EXD2: variants seen among roughly 807,000 people sequenced by gnomAD.
EXD2 encodes exonuclease 3'-5' domain-containing protein 2.
A neutral mutation model predicts 62.5 loss-of-function variants in EXD2; 40 were observed. The observed-to-expected ratio is 0.64, with a 90% CI of 0.50 to 0.83. EXD2 has a LOEUF of 0.83. EXD2 is among the 40% of genes least tolerant of loss of function. The pLI is 0.00. For missense variants in EXD2, 671 were observed against 761.8 expected, an observed-to-expected ratio of 0.88 and a Z score of 1.40; for synonymous variants, 239 against 291.9, an observed-to-expected ratio of 0.82 and a Z score of 1.85.
intron 2 of EXD2, among the ~76,000 whole-genome samples, chr14:69,205,326 C>T (rs930468319): frequency 2.6e-5 from 4 of 152,156 alleles, no homozygotes; most frequent in African/African-American, 9.7e-5. Flanking sequence ...GTTGAGATTA[C>T]AGGCGTGAGA....
At position 69,206,463 on chromosome 14, in the gene EXD2, T is replaced by C. The variant is rs1316980150; in HGVS notation, c.-48+2463T>C. 3.3e-4 allele frequency among the ~76,000 whole-genome samples: 17 copies of C among 51,490 alleles called. 1 individual carries two copies. The highest frequency in any genetic ancestry group is 6.0e-4 in the African/African-American group (10 of 16,568). 33.8% of individuals were successfully genotyped at this position (51,490 alleles called of 152,430 possible). A position where few individuals can be genotyped will look rare whatever the true frequency, so the allele number is the denominator to read the frequency against. On this transcript the variant is annotated intron_variant, in intron 2 of 9. Coordinates refer to ENST00000685843, the MANE Select transcript of EXD2 (RefSeq NM_001193360.2). ...CATCTCCCACCCACCCACTTTTTTT[T>C]TTTTTTTTTTTTTTTTTTTTTTTGA...
chr14:69,196,230 AG>A (rs1353453841), intron 1 of EXD2: 2 of 152,250 alleles, frequency 1.3e-5, no homozygotes, highest in Non-Finnish European at 1.5e-5. Context: ...TAGTTGATTA[AG>A]GGCGCACCCT....
intron 3 of EXD2, among the ~76,000 whole-genome samples, chr14:69,215,296 A>ATGTGTGTGTG (rs1373614464): frequency 2.2e-4 from 13 of 59,706 alleles, no homozygotes; most frequent in Admixed American, 8.1e-4. Context: ...TCTCAAAAAT[A>ATGTGTGTGTG]TATGTGTGTG....
At chr14:69,193,467 A>G (rs2042102134) in intron 1 of EXD2, among the ~76,000 whole-genome samples, 1 of 152,236 alleles carries the variant, frequency 6.6e-6, no homozygotes, top group African/African-American at 2.4e-5. Flanking sequence ...TCCCCTGATT[A>G]CTATTGAGAT....
At position 69,234,995 on chromosome 14, in the gene EXD2, A is replaced by G. The variant is rs372445263; in HGVS notation, c.1013A>G (p.His338Arg). The G allele has an allele frequency of 6.2e-7, 1 of 1,606,894 alleles. No individual in the cohort carries two copies. Among genetic ancestry groups the G allele is most frequent in the Non-Finnish European group, 8.5e-7 (1 of 1,177,512 alleles). ...GNHQGRDPRKHKRKPLGVGYS... is the reference protein window; with the variant it reads ...GNHQGRDPRKRKRKPLGVGYS... ...CACCAAGGGAGAGACCCCAGAAAACATAAAAGAAAGCCTCTGGGGGTGGGC... is the reference window on the plus strand; with the variant it reads ...CACCAAGGGAGAGACCCCAGAAAACGTAAAAGAAAGCCTCTGGGGGTGGGC... The change falls in exon 6 of 10, where the codon CAT becomes CGT. Residue 338 changes from histidine to arginine, a missense_variant. Physicochemically the swap from His to Arg is conservative, Grantham distance 29. Transcript: ENST00000685843.
chr14:69,195,730 C>T (rs1050943517), intron 1 of EXD2, among the ~76,000 whole-genome samples: 9 of 152,104 alleles, frequency 5.9e-5, no homozygotes, highest in Non-Finnish European at 8.8e-5. Flanking sequence ...TTCTGTCTTT[C>T]GAGATCTGGG....
rs562827186 is a variant in EXD2, at chr14:69,240,475, CG to C, written c.1650-406del. Reference sequence around the variant, plus strand: ...TTGTGTTGTGAAAAAGTGTAACATGCGGGCCGATTTAACAGCCTCATATAAA... The same window carrying C: ...TTGTGTTGTGAAAAAGTGTAACATGCGGCCGATTTAACAGCCTCATATAAA... On this transcript the variant is annotated intron_variant, in intron 9 of 9. Coordinates refer to ENST00000685843, the MANE Select transcript of EXD2 (RefSeq NM_001193360.2). Among the ~76,000 whole-genome samples, 291 of 152,276 alleles carry C rather than the reference CG, an allele frequency of 1.9e-3. 1 individual carries two copies. Among genetic ancestry groups the C allele is most frequent in the African/African-American group, 6.7e-3 (279 of 41,548 alleles).
chr14:69,216,159 T>C (rs764413140), intron 3 of EXD2, among the ~76,000 whole-genome samples: 1 of 152,184 alleles, frequency 6.6e-6, no homozygotes, highest in Non-Finnish European at 1.5e-5. Context: ...AGTTTAATTT[T>C]TTCTCCTAAA....
chr14:69,207,304 G>A (rs1454358802), intron 2 of EXD2, among the ~76,000 whole-genome samples: 1 of 151,926 alleles, frequency 6.6e-6, no homozygotes, highest in Non-Finnish European at 1.5e-5. Flanking sequence ...GACCAGCCTG[G>A]CCAACATGGT....
At chr14:69,231,939 C>G (rs1380169273) in intron 5 of EXD2, among the ~76,000 whole-genome samples, 1 of 130,216 alleles carries the variant, frequency 7.7e-6, no homozygotes, top group Non-Finnish European at 1.6e-5. Flanking sequence ...AAAAAAAAGT[C>G]AGTAACTGTC....
intron 9 of EXD2, among the ~76,000 whole-genome samples, chr14:69,238,587 A>G (rs2043878366): frequency 6.6e-6 from 1 of 150,988 alleles, no homozygotes; most frequent in South Asian, 2.1e-4. Flanking sequence ...TTTGGTACAG[A>G]TAGTACAGAT....
chr14:69,200,360 G>C (rs901235483), intron 1 of EXD2, among the ~76,000 whole-genome samples: 6 of 152,090 alleles, frequency 3.9e-5, no homozygotes, highest in Non-Finnish European at 8.8e-5. Flanking sequence ...GGTGATGGTT[G>C]CACAGCAGTG....
intron 3 of EXD2, among the ~76,000 whole-genome samples, chr14:69,212,355 C>T (rs1405977485): frequency 1.3e-5 from 2 of 151,966 alleles, no homozygotes; most frequent in African/African-American, 2.4e-5. Context: ...CCAACCTGAG[C>T]GACAGAGCAA....
intron 5 of EXD2, among the ~76,000 whole-genome samples, chr14:69,232,943 A>C (rs1180802671): frequency 6.6e-6 from 1 of 152,198 alleles, no homozygotes; most frequent in African/African-American, 2.4e-5. Flanking sequence ...TAGTCAAGAA[A>C]TCATTGCCTC....
At chr14:69,201,768 C>T (rs1038261255) in intron 1 of EXD2, among the ~76,000 whole-genome samples, 6 of 149,772 alleles carry the variant, frequency 4.0e-5, no homozygotes, top group East Asian at 2.0e-4. Context: ...CTGCAAGCTC[C>T]GCCTCCCGGG....
chr14:69,239,014 C>T (rs2043897369), intron 9 of EXD2, among the ~76,000 whole-genome samples: 1 of 152,118 alleles, frequency 6.6e-6, no homozygotes, highest in Admixed American at 6.6e-5. Context: ...TTTGTGTCTC[C>T]GACTTTATAC....
chr14:69,234,506 C>T (rs191220139), intron 5 of EXD2, among the ~76,000 whole-genome samples, 194 bp from the exon 6 acceptor site: 2 of 152,314 alleles, frequency 1.3e-5, no homozygotes, highest in East Asian at 3.9e-4. Context: ...GAGAGTTAAT[C>T]ATACTATTCA....
chr14:69,225,725 G>A (rs2043336721), intron 3 of EXD2, among the ~76,000 whole-genome samples: 2 of 152,122 alleles, frequency 1.3e-5, no homozygotes, highest in Admixed American at 6.5e-5. Flanking sequence ...GAGTAGTGAT[G>A]TCAGGGCAAA....
At chr14:69,201,623 GTT>G (rs1039208009) in intron 1 of EXD2, among the ~76,000 whole-genome samples, 3 of 141,930 alleles carry the variant, frequency 2.1e-5, no homozygotes, top group Non-Finnish European at 4.5e-5. Context: ...TCTTGCTCCT[GTT>G]TGAATGCCAG....
Sources: allele counts gnomAD v4.1 joint callset (sites outside exome capture counted in the v4.1 genomes callset), GRCh38; gene constraint gnomAD v4.1.1; transcripts MANE v1.5; gene names NCBI Gene and HGNC (gene_info 2026-07-23, HGNC 2026-07-21).